HDAC4: variants seen among roughly 807,000 people sequenced by gnomAD.
HDAC4 encodes histone deacetylase A.
HDAC4 carries 16 observed loss-of-function variants against 135.1 expected under a neutral mutation model. The observed-to-expected ratio is 0.12, with a 90% CI of 0.08 to 0.18. HDAC4 has a LOEUF of 0.18. Among genes scored for constraint, HDAC4 ranks in the 10% least tolerant of loss-of-function variants. The probability of loss-of-function intolerance (pLI) is 1.00; values close to 1 mark genes in which losing one functional copy is unlikely to be tolerated. For missense variants in HDAC4, 1,143 were observed against 1,511.8 expected (o/e 0.76, Z 4.05); for synonymous variants, 685 against 653.4 (o/e 1.05, Z -0.74).
At chr2:239,382,429 A>C (rs1695485877) in intron 1 of HDAC4, among the ~76,000 whole-genome samples, 2 of 152,244 alleles carry the variant, frequency 1.3e-5, no homozygotes, top group Admixed American at 6.5e-5. Context: ...TCTAATATTA[A>C]TGATACTGGA....
rs1052630585 is a variant in HDAC4 at position 239,303,803 on chromosome 2, G to A, written c.22+48875C>T. ...TCCCCCGTGCTCAACTGCAGGGCGCGGCACTCGCCTATGCTCTCATGAAGC... is the reference window on the plus strand; with the variant it reads ...TCCCCCGTGCTCAACTGCAGGGCGCAGCACTCGCCTATGCTCTCATGAAGC... On this transcript the variant is annotated intron_variant, in intron 2 of 26. Transcript: ENST00000543185. This position sits in a 1 kb window ranked among gnomAD's most constrained non-coding sequence, Gnocchi z 5.1. 1.3e-5 allele frequency among the ~76,000 whole-genome samples: 2 copies of A among 152,130 alleles called. No individual in the cohort carries two copies. Among genetic ancestry groups the A allele is most frequent in the East Asian group, 1.9e-4 (1 of 5,188 alleles).
At chr2:239,296,710 G>A (rs2051915139) in intron 2 of HDAC4, among the ~76,000 whole-genome samples, 1 of 152,172 alleles carries the variant, frequency 6.6e-6, no homozygotes, top group South Asian at 2.1e-4. Context: ...GATGAAATGG[G>A]GTGCCTGTCC....
chr2:239,401,242 C>A (rs1696975622), upstream of HDAC4, among the ~76,000 whole-genome samples: 2 of 151,862 alleles, frequency 1.3e-5, no homozygotes, highest in African/African-American at 2.4e-5. Flanking sequence ...CTGAAACCTG[C>A]GCACAGCCCG....
chr2:239,072,048 T>C (rs1396923731), intron 22 of HDAC4, among the ~76,000 whole-genome samples: 1 of 152,222 alleles, frequency 6.6e-6, no homozygotes, highest in East Asian at 1.9e-4. Context: ...CTGATTTCTT[T>C]GGGGCATTGT....
chr2:239,189,494 C>T (rs1486725277), intron 4 of HDAC4, among the ~76,000 whole-genome samples: 4 of 152,310 alleles, frequency 2.6e-5, no homozygotes, highest in South Asian at 2.1e-4. Flanking sequence ...CTCCCAGCAA[C>T]GATCATTAAG....
At chr2:239,113,682 C>G (rs3791419) in intron 13 of HDAC4, among the ~76,000 whole-genome samples, 1 of 152,078 alleles carries the variant, frequency 6.6e-6, no homozygotes. Context: ...TCTTATCAGC[C>G]TAATAATAGC....
chr2:239,104,090 C>G (rs1433014545), intron 15 of HDAC4, among the ~76,000 whole-genome samples: 1 of 152,224 alleles, frequency 6.6e-6, no homozygotes, highest in Non-Finnish European at 1.5e-5. Flanking sequence ...TCTATGGTCC[C>G]ATCCACATAA....
intron 1 of HDAC4, among the ~76,000 whole-genome samples, chr2:239,388,209 A>G (rs2126090437): frequency 6.6e-6 from 1 of 152,256 alleles, no homozygotes; most frequent in East Asian, 1.9e-4. Context: ...ACAGTTCTTC[A>G]AGGAGGAAAC....
chr2:239,345,623 CCT>C (rs1692571401), intron 2 of HDAC4, among the ~76,000 whole-genome samples: 1 of 148,398 alleles, frequency 6.7e-6, no homozygotes, highest in Non-Finnish European at 1.5e-5. Flanking sequence ...TAACACACAC[CCT>C]GTGTAAAACA....
intron 2 of HDAC4, among the ~76,000 whole-genome samples, chr2:239,346,135 C>T (rs2125891531): frequency 6.6e-6 from 1 of 150,472 alleles, no homozygotes; most frequent in African/African-American, 2.4e-5. Context: ...CACACACCCC[C>T]ATCTCACACA....
At chr2:239,159,080 T>C (rs1355316563) in intron 6 of HDAC4, among the ~76,000 whole-genome samples, 1 of 146,034 alleles carries the variant, frequency 6.8e-6, no homozygotes, top group Non-Finnish European at 1.5e-5. Context: ...ACTACTCACC[T>C]CCACACCTCA....
chr2:239,195,263 A>C (rs1160349356), intron 3 of HDAC4, among the ~76,000 whole-genome samples: 1 of 152,242 alleles, frequency 6.6e-6, no homozygotes, highest in East Asian at 1.9e-4. Flanking sequence ...AGCAGAGCAG[A>C]GAAAATCAAC....
At position 239,146,543 on chromosome 2, in the gene HDAC4, TGCACCGCCTCCCCCAG is replaced by T. The variant is rs1270286068; in HGVS notation, c.734-1845_734-1830del. On this transcript the variant is annotated intron_variant, in intron 7 of 26. Transcript: ENST00000543185. This position sits in a 1 kb window ranked among gnomAD's most constrained non-coding sequence, Gnocchi z 4.5. ...GACTGGCTGTGGTACTGCAGCCCAG[TGCACCGCCTCCCCCAG>T]GCCCTGTGGGGGTCATCACGCTGCC... Among the ~76,000 whole-genome samples, 1 of 152,160 alleles carries T rather than the reference TGCACCGCCTCCCCCAG, an allele frequency of 6.6e-6. No individual in the cohort carries two copies. Among genetic ancestry groups the T allele is most frequent in the Non-Finnish European group, 1.5e-5 (1 of 68,018 alleles).
At chr2:239,260,116 A>C (rs1180941195) in intron 2 of HDAC4, among the ~76,000 whole-genome samples, 2 of 152,336 alleles carry the variant, frequency 1.3e-5, no homozygotes, top group East Asian at 3.9e-4. Context: ...CCTTTTGGTG[A>C]AGTTCAGCTG....
chr2:239,145,120 CT>C (rs1388662092), intron 7 of HDAC4, among the ~76,000 whole-genome samples: 2 of 152,154 alleles, frequency 1.3e-5, no homozygotes, highest in Non-Finnish European at 2.9e-5. Context: ...TAATACACCC[CT>C]ATCTTCATAG....
chr2:239,214,866 T>C (rs1438378359), intron 3 of HDAC4, among the ~76,000 whole-genome samples: 8 of 151,826 alleles, frequency 5.3e-5, no homozygotes, highest in Non-Finnish European at 1.2e-4. Flanking sequence ...GAAATAGGAG[T>C]CAAGGGGACT....
At chr2:239,123,148 T>C (rs754403756) in intron 12 of HDAC4, among the ~76,000 whole-genome samples, 6 of 152,254 alleles carry the variant, frequency 3.9e-5, no homozygotes, top group Non-Finnish European at 5.9e-5. Flanking sequence ...AGGTGTTTCC[T>C]GTCTTCCTCA....
chr2:239,293,650 C>T (rs1200149657), intron 2 of HDAC4, among the ~76,000 whole-genome samples: 1 of 152,152 alleles, frequency 6.6e-6, no homozygotes, highest in African/African-American at 2.4e-5. Context: ...CTCCAGGCTT[C>T]CTGCAGTGGC....
chr2:239,353,933 C>T (rs1326236697), intron 1 of HDAC4, among the ~76,000 whole-genome samples: 5 of 152,182 alleles, frequency 3.3e-5, no homozygotes, highest in Admixed American at 6.5e-5. Context: ...GCATTCCTCA[C>T]GTAACATGAT....
Sources: gnomAD v4.1 joint callset for allele counts (sites outside exome capture counted in the v4.1 genomes callset) on GRCh38, gnomAD v4.1.1 for gene constraint, Gnocchi (gnomAD v3.1) non-coding constraint, MANE v1.5 for transcripts, NCBI Gene and HGNC (gene_info 2026-07-23, HGNC 2026-07-21) for gene names.